LRCH1: variants seen among roughly 807,000 people sequenced by gnomAD.
LRCH1 encodes the protein leucine rich repeats and calponin homology domain containing 1.
LRCH1 carries 23 observed loss-of-function variants against 94.9 expected under a neutral mutation model. The observed-to-expected ratio is 0.24, with a 90% CI of 0.17 to 0.34. The LOEUF (loss-of-function observed/expected upper bound fraction) is 0.34. LRCH1 is among the 10% of genes least tolerant of loss of function. LRCH1 has a pLI of 1.00. For missense variants in LRCH1, 790 were observed against 945.9 expected, an observed-to-expected ratio of 0.84 and a Z score of 2.16; for synonymous variants, 364 against 354.9, an observed-to-expected ratio of 1.03 and a Z score of -0.29.
At chr13:46,739,317 A>T (rs1265862406) in intron 19 of LRCH1, among the ~76,000 whole-genome samples, 1 of 152,212 alleles carries the variant, frequency 6.6e-6, no homozygotes, top group Admixed American at 6.5e-5. Flanking sequence ...AATGGGCATT[A>T]GCATCCGCAC....
chr13:46,555,379 G>A (rs999934771), intron 1 of LRCH1, among the ~76,000 whole-genome samples: 1 of 152,194 alleles, frequency 6.6e-6, no homozygotes, highest in African/African-American at 2.4e-5. Flanking sequence ...TCAGTAAGGG[G>A]GCTTCATAGT....
chr13:46,553,834 C>T (rs1035553080), intron 1 of LRCH1, 131 bp downstream of exon 1: 8 of 1,502,300 alleles, frequency 5.3e-6, no homozygotes, highest in African/African-American at 4.2e-5. Flanking sequence ...CCGTTGTCTC[C>T]CGAAGAAGGG....
chr13:46,690,959 G>T (rs1870864737), intron 7 of LRCH1, among the ~76,000 whole-genome samples: 1 of 152,176 alleles, frequency 6.6e-6, no homozygotes, highest in South Asian at 2.1e-4. Flanking sequence ...ATTTGTCACT[G>T]AGAGATTAAA....
At chr13:46,581,725 G>A (rs1160334487) in intron 1 of LRCH1, among the ~76,000 whole-genome samples, 2 of 152,156 alleles carry the variant, frequency 1.3e-5, no homozygotes, top group Non-Finnish European at 2.9e-5. Flanking sequence ...ACTGAGAAAA[G>A]GCGGGACAAA....
At chr13:46,583,985 C>G (rs2050402536) in intron 1 of LRCH1, among the ~76,000 whole-genome samples, 1 of 141,862 alleles carries the variant, frequency 7.0e-6, no homozygotes, top group African/African-American at 2.5e-5. Flanking sequence ...AGGAAACTTA[C>G]TTTTCACACG....
intron 13 of LRCH1, 116 bp downstream of exon 13, chr13:46,705,420 T>G (rs1429148937): frequency 3.2e-6 from 3 of 950,806 alleles, no homozygotes; most frequent in Non-Finnish European, 5.2e-6. Context: ...ATGAGGCCAA[T>G]ATTCAGATTT....
At chr13:46,733,532 G>T (rs571252796) in intron 18 of LRCH1, among the ~76,000 whole-genome samples, 43 of 151,946 alleles carry the variant, frequency 2.8e-4, no homozygotes, top group African/African-American at 1.0e-3. Flanking sequence ...CTATATATAC[G>T]TGTGTGTGTG....
At chr13:46,722,853 A>G (rs769040713) in intron 16 of LRCH1, among the ~76,000 whole-genome samples, 1 of 152,258 alleles carries the variant, frequency 6.6e-6, no homozygotes, top group Non-Finnish European at 1.5e-5. Context: ...GAAATAAATT[A>G]TCTGAATTTA....
At chr13:46,565,892 G>A (rs2137909258) in intron 1 of LRCH1, among the ~76,000 whole-genome samples, 1 of 151,358 alleles carries the variant, frequency 6.6e-6, no homozygotes, top group East Asian at 1.9e-4. Context: ...GTCTTGAGGG[G>A]ACTGAGTCTC....
intron 1 of LRCH1, among the ~76,000 whole-genome samples, chr13:46,607,440 G>A (rs1359751831): frequency 6.6e-6 from 1 of 152,132 alleles, no homozygotes; most frequent in Non-Finnish European, 1.5e-5. Context: ...GTGCTTTTCT[G>A]TAATTTGGGA....
In LRCH1 at chr13:46,740,913, C is replaced by T. The variant is rs182162855; in HGVS notation, c.2086-729C>T. Reference sequence around the variant, plus strand: ...AGATAAAACACAGAGGTCTACCCCCCCTGCCCCAATATACCTGTTTAGTAG... The same window carrying T: ...AGATAAAACACAGAGGTCTACCCCCTCTGCCCCAATATACCTGTTTAGTAG... On this transcript the variant is annotated intron_variant, in intron 19 of 19. Transcript: ENST00000389797. 4.6e-5 allele frequency among the ~76,000 whole-genome samples: 7 copies of T among 152,202 alleles called. No individual in the cohort carries two copies. In the East Asian group the frequency reaches 9.7e-4, roughly 21 times the overall value.
At chr13:46,724,909 G>A (rs1872740566) in intron 17 of LRCH1, among the ~76,000 whole-genome samples, 1 of 152,170 alleles carries the variant, frequency 6.6e-6, no homozygotes, top group Admixed American at 6.5e-5. Context: ...GCACTCATAT[G>A]TCTATCACAG....
intron 1 of LRCH1, among the ~76,000 whole-genome samples, chr13:46,592,699 C>T (rs1340086874): frequency 6.6e-6 from 1 of 152,146 alleles, no homozygotes; most frequent in Non-Finnish European, 1.5e-5. Flanking sequence ...TCTATCATAC[C>T]TAATCACTCA....
exon 19 of LRCH1, chr13:46,751,630 A>G (rs1028090086): frequency 1.3e-5 from 2 of 152,250 alleles, no homozygotes; most frequent in South Asian, 4.1e-4. Context: ...ACAAAGAAAT[A>G]ATAAGTGTTA....
chr13:46,741,064 A>G (rs1214418903), intron 19 of LRCH1, among the ~76,000 whole-genome samples: 1 of 152,168 alleles, frequency 6.6e-6, no homozygotes, highest in African/African-American at 2.4e-5. Context: ...AATGTAATGT[A>G]CTTTCTGACA....
chr13:46,692,393 G>A, intron 7 of LRCH1, 143 bp from the exon 8 acceptor site: 6 of 546,920 alleles, frequency 1.1e-5, no homozygotes, highest in Non-Finnish European at 1.6e-5. Flanking sequence ...ACTTACATAA[G>A]TGGAATTGAC....
intron 18 of LRCH1, among the ~76,000 whole-genome samples, chr13:46,731,389 C>T (rs886771203): frequency 6.6e-6 from 1 of 152,028 alleles, no homozygotes; most frequent in Non-Finnish European, 1.5e-5. Context: ...CACCACCACG[C>T]CTGGCTAATT....
At chr13:46,575,507 T>C (rs2050293550) in intron 1 of LRCH1, among the ~76,000 whole-genome samples, 1 of 130,360 alleles carries the variant, frequency 7.7e-6, no homozygotes, top group Non-Finnish European at 1.6e-5. Flanking sequence ...AATCTGTGCA[T>C]GAATGTGTGT....
intron 8 of LRCH1, 68 bp downstream of exon 8, chr13:46,692,709 G>C: frequency 8.6e-7 from 1 of 1,162,650 alleles, no homozygotes; most frequent in Non-Finnish European, 1.3e-6. Flanking sequence ...AAAATAACCT[G>C]TGCACAGATA....
Sources: allele counts gnomAD v4.1 joint callset (sites outside exome capture counted in the v4.1 genomes callset), GRCh38; gene constraint gnomAD v4.1.1; transcripts MANE v1.5; gene names NCBI Gene and HGNC (gene_info 2026-07-23, HGNC 2026-07-21).